LARP1B: variants seen among roughly 807,000 people sequenced by gnomAD.
The protein encoded by LARP1B is la-related protein 1B.
In LARP1B, 76 loss-of-function variants were observed where a neutral mutation model predicts 114.2. The ratio of observed to expected loss-of-function variants is 0.67; its 90% CI spans 0.55 to 0.81. LARP1B has a LOEUF of 0.81. Ranked by LOEUF, LARP1B falls within the 30% of genes least tolerant of loss-of-function variation. LARP1B has a pLI of 0.00. For missense variants in LARP1B, 1,014 were observed against 1,075.8 expected (o/e 0.94, Z 0.80); for synonymous variants, 345 against 348.0 (o/e 0.99, Z 0.10).
chr4:128,210,893 G>A lies in LARP1B; in HGVS notation c.*840G>A. 1.0e-6 allele frequency: 1 copy of A among 981,864 alleles called. No individual in the cohort carries two copies. The highest frequency in any genetic ancestry group is 1.7e-5 in the African/African-American group (1 of 57,264). 60.8% of individuals were successfully genotyped at this position (981,864 alleles called of 1,614,324 possible). A position where few individuals can be genotyped will look rare whatever the true frequency, so the allele number is the denominator to read the frequency against. ...TCCTAAATTAATTAAATCTTGCACT[G>A]TTTTGAATGCATCTGCTATTTATAC... On this transcript the variant is annotated 3_prime_UTR_variant, in exon 20 of 20. Coordinates refer to ENST00000326639, the MANE Select transcript of LARP1B (RefSeq NM_018078.4).
At chr4:128,078,804 C>T (rs866987868) in intron 4 of LARP1B, among the ~76,000 whole-genome samples, 4 of 152,124 alleles carry the variant, frequency 2.6e-5, no homozygotes, top group African/African-American at 4.8e-5. Context: ...TGTCTTCAGG[C>T]GCTTCTAGGC....
chr4:128,074,708 T>A (rs1374793264), intron 2 of LARP1B, among the ~76,000 whole-genome samples, 190 bp downstream of exon 2: 1 of 152,248 alleles, frequency 6.6e-6, no homozygotes, highest in Non-Finnish European at 1.5e-5. Context: ...TATAACTCAA[T>A]TTAATGTTAT....
chr4:128,170,875 T>C (rs1469961721), intron 12 of LARP1B, among the ~76,000 whole-genome samples: 2 of 146,018 alleles, frequency 1.4e-5, no homozygotes, highest in African/African-American at 2.5e-5. Flanking sequence ...TTCTTTTCTT[T>C]TTTTTTTTTT....
chr4:128,180,181 G>A (rs1036506413), intron 15 of LARP1B, among the ~76,000 whole-genome samples: 4 of 151,958 alleles, frequency 2.6e-5, no homozygotes, highest in African/African-American at 9.7e-5. Flanking sequence ...CAAACTTCTG[G>A]CCTCAAGCAG....
chr4:128,203,194 C>CA (rs200447893), intron 17 of LARP1B, among the ~76,000 whole-genome samples: 2,120 of 149,176 alleles, frequency 0.014, 31 homozygotes, highest in Non-Finnish European at 0.02. Context: ...TCTGTCTCAA[C>CA]AAAAAAAAAG....
At position 128,210,257 on chromosome 4, in the gene LARP1B, T is replaced by C. The variant is rs1758740619; in HGVS notation, c.*204T>C. The stretch of plus-strand genomic sequence containing the variant: ...TTTCTAACAAGATAAATTCTAAAAA[T>C]GTTTTCCCTGATTTCACAAACAAGG... On this transcript the variant is annotated 3_prime_UTR_variant, in exon 20 of 20. Coordinates refer to ENST00000326639, the MANE Select transcript of LARP1B (RefSeq NM_018078.4). The C allele has an allele frequency of 4.3e-6, 6 of 1,391,416 alleles. No homozygotes were observed. Among genetic ancestry groups the C allele is most frequent in the South Asian group, 1.7e-5 (1 of 59,112 alleles). 86.2% of individuals were successfully genotyped at this position (1,391,416 alleles called of 1,614,324 possible). A position where few individuals can be genotyped will look rare whatever the true frequency, so the allele number is the denominator to read the frequency against.
chr4:128,172,480 G>T (rs1744147811), intron 12 of LARP1B, among the ~76,000 whole-genome samples: 1 of 152,076 alleles, frequency 6.6e-6, no homozygotes, highest in South Asian at 2.1e-4. Context: ...ATCACCTGAG[G>T]TCAGGAGTTC....
chr4:128,179,243 A>G, intron 14 of LARP1B, 163 bp from the exon 15 acceptor site: 1 of 444,958 alleles, frequency 2.2e-6, no homozygotes, highest in Non-Finnish European at 3.9e-6. Context: ...AAGTTTTGTA[A>G]CTTGTGTGTG....
chr4:128,214,289 GTGGAGCC>G (rs1320098981), downstream of LARP1B, among the ~76,000 whole-genome samples: 2 of 148,524 alleles, frequency 1.3e-5, no homozygotes, highest in Admixed American at 6.8e-5. Context: ...CTCGAACTGG[GTGGAGCC>G]CACCACAGCT....
At chr4:128,146,679 A>G (rs1006036321) in intron 11 of LARP1B, among the ~76,000 whole-genome samples, 1 of 152,194 alleles carries the variant, frequency 6.6e-6, no homozygotes, top group African/African-American at 2.4e-5. Context: ...GACTTCCAGG[A>G]TATTGGCAGT....
chr4:128,087,328 G>T (rs1194609175), intron 5 of LARP1B, among the ~76,000 whole-genome samples: 1 of 152,146 alleles, frequency 6.6e-6, no homozygotes, highest in Non-Finnish European at 1.5e-5. Flanking sequence ...GCTGAAATCT[G>T]ATAAGTCATG....
At chr4:128,062,037 CGCCGTTGCT>C in intron 1 of LARP1B, 1 of 985,200 alleles carries the variant, frequency 1.0e-6, no homozygotes, top group Non-Finnish European at 1.2e-6. Flanking sequence ...TCGCCGTTGC[CGCCGTTGCT>C]GCGGGATCCG....
chr4:128,084,849 G>C (rs1772773668), intron 5 of LARP1B, among the ~76,000 whole-genome samples: 1 of 151,736 alleles, frequency 6.6e-6, no homozygotes, highest in African/African-American at 2.4e-5. Context: ...TTACAACATT[G>C]ATTATTATTA....
intron 11 of LARP1B, chr4:128,155,662 G>C: frequency 3.8e-6 from 6 of 1,571,088 alleles, no homozygotes; most frequent in Non-Finnish European, 5.2e-6. Context: ...GCCTCCAGTG[G>C]TGTGTCCAAG....
chr4:128,129,228 G>C lies in LARP1B; in HGVS notation c.1524+7040G>C, dbSNP rs1465451500. Among the ~76,000 whole-genome samples the C allele has an allele frequency of 6.2e-5, 9 of 144,572 alleles. No homozygotes were observed. The East Asian group carries it at 1.6e-3, about 26-fold the overall frequency. The allele number at this position is 144,572 out of a possible 152,430, so 94.8% of individuals were successfully genotyped here. On this transcript the variant is annotated intron_variant, in intron 11 of 19. Coordinates refer to ENST00000326639, the MANE Select transcript of LARP1B (RefSeq NM_018078.4). ...AATTCAGCCGTGCGTGGTGGCGCGT[G>C]CCTGTAGTCCCAGCTACTGGAGAGG...
intron 15 of LARP1B, among the ~76,000 whole-genome samples, chr4:128,185,005 C>T (rs1394240894): frequency 6.6e-6 from 1 of 151,988 alleles, no homozygotes; most frequent in Non-Finnish European, 1.5e-5. Context: ...CACATATATA[C>T]ATATATACAC....
Position 128,210,935 on chromosome 4 carries a change from G to A in LARP1B, c.*882G>A, listed in dbSNP as rs918908725. On this transcript the variant is annotated 3_prime_UTR_variant, in exon 20 of 20. Transcript: ENST00000326639. Reference sequence around the variant, plus strand: ...TATTTATACATCTGCAAGTGGGTATGTCATAAGGAGTCAGATTATCTTTAA... The same window carrying A: ...TATTTATACATCTGCAAGTGGGTATATCATAAGGAGTCAGATTATCTTTAA... 1.1e-5 allele frequency: 10 copies of A among 944,116 alleles called. No individual in the cohort carries two copies. The highest frequency in any genetic ancestry group is 1.3e-5 in the Non-Finnish European group (10 of 792,314). 58.5% of individuals were successfully genotyped at this position (944,116 alleles called of 1,614,324 possible).
At chr4:128,192,398 G>T (rs1477032514) in intron 15 of LARP1B, among the ~76,000 whole-genome samples, 1 of 152,050 alleles carries the variant, frequency 6.6e-6, no homozygotes, top group African/African-American at 2.4e-5. Flanking sequence ...ACCCTTTGTA[G>T]CTTGAAAATA....
chr4:128,089,652 A>T (rs1218027901), intron 5 of LARP1B, among the ~76,000 whole-genome samples: 1 of 151,834 alleles, frequency 6.6e-6, no homozygotes. Context: ...CTACCTTTTT[A>T]AACTTTGTCA....
Sources: gnomAD v4.1 joint callset for allele counts (sites outside exome capture counted in the v4.1 genomes callset) on GRCh38, gnomAD v4.1.1 for gene constraint, MANE v1.5 for transcripts, NCBI Gene and HGNC (gene_info 2026-07-23, HGNC 2026-07-21) for gene names.